Variants in ARHGAP15 observed in about 807,000 individuals in gnomAD.
ARHGAP15 encodes the protein rho GTPase-activating protein 15.
ARHGAP15 carries 51 observed loss-of-function variants against 63.7 expected under a neutral mutation model. That is an observed-to-expected ratio of 0.80 (90% CI 0.64 to 1.01). The LOEUF is 1.01. Among genes scored for constraint, ARHGAP15 ranks in the 50% least tolerant of loss-of-function variants. The pLI, the probability that ARHGAP15 is intolerant of heterozygous loss-of-function variation, is 0.00. For missense variants in ARHGAP15, 560 were observed against 564.6 expected (o/e 0.99, Z 0.08); for synonymous variants, 191 against 193.8 (o/e 0.99, Z 0.12).
intron 12 of ARHGAP15, among the ~76,000 whole-genome samples, chr2:143,684,902 C>T (rs546824400): frequency 6.6e-6 from 1 of 152,162 alleles, no homozygotes; most frequent in African/African-American, 2.4e-5. Context: ...GAAGAGAGAC[C>T]TTTCCAGTCA....
At chr2:143,575,583 G>C (rs1221856928) in intron 11 of ARHGAP15, among the ~76,000 whole-genome samples, 1 of 152,106 alleles carries the variant, frequency 6.6e-6, no homozygotes, top group African/African-American at 2.4e-5. Flanking sequence ...TGGTGCATGT[G>C]TTTAAATACA....
chr2:143,649,958 T>C (rs1403544515), intron 12 of ARHGAP15, among the ~76,000 whole-genome samples: 1 of 151,972 alleles, frequency 6.6e-6, no homozygotes, highest in Non-Finnish European at 1.5e-5. Context: ...AATAACCATT[T>C]CACTAAAAAC....
At chr2:143,752,332 T>G (rs1221910752) in intron 13 of ARHGAP15, among the ~76,000 whole-genome samples, 1 of 152,230 alleles carries the variant, frequency 6.6e-6, no homozygotes, top group Non-Finnish European at 1.5e-5. Flanking sequence ...CAACAGCTCT[T>G]CAATTCATTG....
intron 6 of ARHGAP15, among the ~76,000 whole-genome samples, chr2:143,401,772 G>A (rs943274533): frequency 3.3e-5 from 5 of 151,930 alleles, no homozygotes; most frequent in Non-Finnish European, 7.4e-5. Flanking sequence ...TATACAATAT[G>A]TATGAAATGA....
At chr2:143,471,269 CAT>C (rs1691562757) in intron 8 of ARHGAP15, among the ~76,000 whole-genome samples, 2 of 146,304 alleles carry the variant, frequency 1.4e-5, no homozygotes, top group African/African-American at 5.3e-5. Flanking sequence ...TATATATACA[CAT>C]AGAGAGCATG....
At chr2:143,177,335 G>A (rs1054562021) in intron 2 of ARHGAP15, among the ~76,000 whole-genome samples, 3 of 152,094 alleles carry the variant, frequency 2.0e-5, no homozygotes, top group Non-Finnish European at 4.4e-5. Flanking sequence ...AGCTTGAGGG[G>A]GAATAAGGGC....
intron 5 of ARHGAP15, among the ~76,000 whole-genome samples, chr2:143,241,829 T>A (rs1482136304): frequency 6.6e-6 from 1 of 151,296 alleles, no homozygotes; most frequent in Non-Finnish European, 1.5e-5. Context: ...GACAAGAGAG[T>A]GAAGTGAAAA....
chr2:143,540,282 G>A (rs186088036), intron 10 of ARHGAP15, among the ~76,000 whole-genome samples: 10 of 152,194 alleles, frequency 6.6e-5, no homozygotes, highest in East Asian at 3.9e-4. Context: ...GTGTCTGCAC[G>A]TGATGGGTTT....
At chr2:143,293,068 A>C (rs1464010409) in intron 6 of ARHGAP15, among the ~76,000 whole-genome samples, 1 of 152,088 alleles carries the variant, frequency 6.6e-6, no homozygotes, top group African/African-American at 2.4e-5. Context: ...ATTATTAAAC[A>C]GTATAGAATT....
intron 3 of ARHGAP15, among the ~76,000 whole-genome samples, chr2:143,204,913 T>A (rs932343405): frequency 6.6e-6 from 1 of 151,812 alleles, no homozygotes; most frequent in African/African-American, 2.4e-5. Flanking sequence ...ATCACCTTTT[T>A]AAATAGGTCT....
At chr2:143,752,083 C>A (rs1470071092) in intron 13 of ARHGAP15, among the ~76,000 whole-genome samples, 1 of 152,132 alleles carries the variant, frequency 6.6e-6, no homozygotes, top group African/African-American at 2.4e-5. Flanking sequence ...TCTCATAATT[C>A]TCTGAGTCGG....
intron 6 of ARHGAP15, among the ~76,000 whole-genome samples, chr2:143,305,941 C>T (rs745758642): frequency 2.0e-5 from 3 of 152,186 alleles, no homozygotes; most frequent in Non-Finnish European, 4.4e-5. Context: ...TTAAGATATT[C>T]GCCAAATAAG....
chr2:143,533,744 C>T (rs1470359429), intron 10 of ARHGAP15, among the ~76,000 whole-genome samples: 1 of 152,172 alleles, frequency 6.6e-6, no homozygotes, highest in Non-Finnish European at 1.5e-5. Flanking sequence ...ACACTTTGCT[C>T]TTAGTGGAAA....
rs149352828 is a variant in ARHGAP15 at position 143,492,125 on chromosome 2, G to A, written c.826+4630G>A. On this transcript the variant is annotated intron_variant, in intron 9 of 13. Coordinates refer to ENST00000295095, the MANE Select transcript of ARHGAP15 (RefSeq NM_018460.4). ...TTGAACTCCTGAGCTAAGGCGATCT[G>A]CCCGCTTTGGCCTCCCAAAGTGCTA... Among the ~76,000 whole-genome samples the A allele has an allele frequency of 1.4e-4, 21 of 152,172 alleles. No individual in the cohort carries two copies. In the East Asian group the frequency reaches 2.3e-3, roughly 17 times the overall value.
At chr2:143,411,070 C>T (rs7569912) in intron 6 of ARHGAP15, among the ~76,000 whole-genome samples, 103,395 of 151,666 alleles carry the variant, frequency 0.68, 35,603 homozygotes, top group Admixed American at 0.78. Flanking sequence ...CAGGGCATGA[C>T]GGCAGGCACC....
At position 143,330,113 on chromosome 2, in the gene ARHGAP15, A is replaced by T. The variant is rs1284052035; in HGVS notation, c.474+79513A>T. Among the ~76,000 whole-genome samples, 61 of 90,444 alleles carry T rather than the reference A, an allele frequency of 6.7e-4. 3 individuals are homozygous for T. The highest frequency in any genetic ancestry group is 2.2e-3 in the African/African-American group (56 of 25,132). 59.3% of individuals were successfully genotyped at this position (90,444 alleles called of 152,430 possible). ...CTGTCTCAAAAAAAAAAAAAAAAAA[A>T]AAAAAAAAAAAAAAAAAACCAAAAA... On this transcript the variant is annotated intron_variant, in intron 6 of 13. Transcript: ENST00000295095.
rs747120568 is a variant in ARHGAP15 at position 143,436,915 on chromosome 2, A to G, written c.576A>G (p.Pro192=). ...GTCTAATTATTTGCTGTTTCCAGCC[A>G]AAGGATTCAAGTTGTCCATCAAGAA... ...HAIKNAIDRL[P]KDSSCPSRNL... The change falls in exon 8 of 14, where the codon CCA becomes CCG. Residue 192 remains proline, a splice_region_variant and synonymous_variant. Coordinates refer to ENST00000295095, the MANE Select transcript of ARHGAP15 (RefSeq NM_018460.4). The G allele has an allele frequency of 3.2e-5, 51 of 1,607,320 alleles. No homozygotes were observed. Among genetic ancestry groups the G allele is most frequent in the African/African-American group, 1.3e-5 (1 of 74,488 alleles).
At chr2:143,143,629 G>T (rs560550054) in intron 1 of ARHGAP15, among the ~76,000 whole-genome samples, 29 of 141,600 alleles carry the variant, frequency 2.0e-4, no homozygotes, top group Non-Finnish European at 3.5e-4. Context: ...ATCATCCACC[G>T]CTGGAACAAG....
chr2:143,706,582 T>C (rs1684338034), intron 13 of ARHGAP15: 1 of 152,150 alleles, frequency 6.6e-6, no homozygotes. Flanking sequence ...ACAGTTGGAC[T>C]AGAAGGTAAA....
Sources: allele counts gnomAD v4.1 joint callset (sites outside exome capture counted in the v4.1 genomes callset), GRCh38; gene constraint gnomAD v4.1.1; transcripts MANE v1.5; gene names NCBI Gene and HGNC (gene_info 2026-07-23, HGNC 2026-07-21).